XYLT2: variants seen among roughly 807,000 people sequenced by gnomAD.
The protein encoded by XYLT2 is xylosyltransferase 2.
A neutral mutation model predicts 82.6 loss-of-function variants in XYLT2; 37 were observed. The observed-to-expected ratio is 0.45, with a 90% CI of 0.34 to 0.59. XYLT2 has a LOEUF of 0.59. Among genes scored for constraint, XYLT2 ranks in the 20% least tolerant of loss-of-function variants. XYLT2 has a pLI of 0.01. For missense variants in XYLT2, 934 were observed against 1,181.3 expected (o/e 0.79, Z 3.07); for synonymous variants, 474 against 499.0 (o/e 0.95, Z 0.67).
intron 8 of XYLT2, 46 bp from the exon 9 acceptor site, chr17:50,357,001 CCAGGCCAAGT>C: frequency 6.5e-7 from 1 of 1,537,638 alleles, no homozygotes; most frequent in Non-Finnish European, 8.8e-7. Context: ...CCCTGGGACT[CCAGGCCAAGT>C]CAGGTGTGCT....
At chr17:50,357,012 C>A in intron 8 of XYLT2, 45 bp from the exon 9 acceptor site, 1 of 1,549,174 alleles carries the variant, frequency 6.5e-7, no homozygotes, top group Non-Finnish European at 8.7e-7. Flanking sequence ...CAGGCCAAGT[C>A]AGGTGTGCTG....
chr17:50,360,664 C>T lies in XYLT2; in HGVS notation c.*373C>T. The T allele has an allele frequency of 9.9e-7, 1 of 1,007,084 alleles. No homozygotes were observed. The highest frequency in any genetic ancestry group is 1.2e-6 in the Non-Finnish European group (1 of 844,658). The allele number at this position is 1,007,084 out of a possible 1,614,324, so 62.4% of individuals were successfully genotyped here. ...TGTGCAATAGGGCTCAGAGCAGCCC[C>T]AGGAAGTGGGCCATGTCTGTGGGGA... On this transcript the variant is annotated 3_prime_UTR_variant, in exon 11 of 11. Transcript: ENST00000017003.
At position 50,346,215 on chromosome 17, in the gene XYLT2, G is replaced by A. The variant is rs1277201278; in HGVS notation, c.75G>A (p.Leu25=). The change falls in exon 1 of 11, where the codon CTG becomes CTA. Residue 25 remains leucine (L), a synonymous_variant. Coordinates refer to ENST00000017003, the MANE Select transcript of XYLT2 (RefSeq NM_022167.4). This position sits in a 1 kb window ranked among gnomAD's most constrained non-coding sequence, Gnocchi z 5.1. The part of the protein sequence containing the change: ...KLAIATALAI[L]LLQGLVVWSF... ...CGATTGCCACGGCGCTGGCCATCCT[G>A]CTGCTGCAGGGCCTGGTAGTGTGGA... is the stretch of plus-strand genomic sequence containing the variant. 1 of 1,285,318 alleles carries A rather than the reference G, an allele frequency of 7.8e-7. No individual in the cohort carries two copies. The highest frequency in any genetic ancestry group is 1.5e-5 in the South Asian group (1 of 68,272). The allele number at this position is 1,285,318 out of a possible 1,614,324, so 79.6% of individuals were successfully genotyped here.
At position 50,356,612 on chromosome 17, in the gene XYLT2, C is replaced by G. The variant is rs141474571; in HGVS notation, c.1584C>G (p.Pro528=). The G allele has an allele frequency of 3.1e-6, 5 of 1,614,150 alleles. No homozygotes were observed. In the East Asian group the frequency reaches 1.1e-4, roughly 36 times the overall value. Residue 528 remains proline, a synonymous_variant, in exon 8 of 11, where the codon CCC becomes CCG. Coordinates refer to ENST00000017003, the MANE Select transcript of XYLT2 (RefSeq NM_022167.4). ...TCCACCTGTATGGCAGCTACCCCCC[C>G]GGCACGCCAGCCCTCAAGGCCTACT... is the stretch of plus-strand genomic sequence containing the variant. ...LDFHLYGSYP[P]GTPALKAYWE...
intron 4 of XYLT2, 121 bp downstream of exon 4, chr17:50,355,177 T>A: frequency 8.9e-7 from 1 of 1,129,746 alleles, no homozygotes. Context: ...TCCGCCCTGC[T>A]CAGACATGGG....
rs1222757899 is a variant in XYLT2, at chr17:50,360,164, G to A, written c.2471G>A (p.Gly824Glu). The A allele has an allele frequency of 1.9e-6, 3 of 1,614,036 alleles. No homozygotes were observed. The South Asian group carries it at 3.3e-5, about 18-fold the overall frequency. Residue 824 changes from glycine to glutamate, a missense_variant, in exon 11 of 11, where the codon GGA (glycine) becomes GAA (glutamate). By Grantham distance (98) the Gly-to-Glu change is moderately conservative (BLOSUM62 -2). This residue lies in a region of XYLT2 where 374 missense variants were observed against 465.6 expected (regional missense o/e 0.80). Transcript: ENST00000017003. ...CTGAGCAGCTTCTGGTCCGTGGCTGGACTGTGTGCCATAGGCCCCTCTCCC... is the reference window on the plus strand; with the variant it reads ...CTGAGCAGCTTCTGGTCCGTGGCTGAACTGTGTGCCATAGGCCCCTCTCCC... The part of the protein sequence containing the change: ...RELSSFWSVA[G>E]LCAIGPSPCP...
In XYLT2 at chr17:50,355,644, G is replaced by A. The variant is rs909660307; in HGVS notation, c.1088+63G>A. The A allele has an allele frequency of 1.2e-5, 19 of 1,603,192 alleles. No homozygotes were observed. In the African/African-American group the frequency reaches 2.5e-4, roughly 21 times the overall value. On this transcript the variant is annotated intron_variant, in intron 5 of 10. Coordinates refer to ENST00000017003, the MANE Select transcript of XYLT2 (RefSeq NM_022167.4). ...TTGTCCCAACCCCTCCCACACAGTT[G>A]GGCTCGGTGGCTCCAGCCCTGGGTT...
At chr17:50,356,988 C>T in intron 8 of XYLT2, 69 bp from the exon 9 acceptor site, 7 of 1,521,826 alleles carry the variant, frequency 4.6e-6, no homozygotes, top group Non-Finnish European at 6.2e-6. Context: ...CCCAGAGCCC[C>T]CTCCCTGGGA....
At chr17:50,348,576 G>T (rs1054844475) in intron 1 of XYLT2, among the ~76,000 whole-genome samples, 1 of 152,176 alleles carries the variant, frequency 6.6e-6, no homozygotes, top group African/African-American at 2.4e-5. Context: ...TGGATCCCAG[G>T]GATGGTCACG....
chr17:50,357,402 C>A lies in XYLT2; in HGVS notation c.1941+150C>A, dbSNP rs532971938. 1.5e-5 allele frequency: 11 copies of A among 749,642 alleles called. No individual in the cohort carries two copies. In the African/African-American group the frequency reaches 2.0e-4, roughly 13 times the overall value. 46.4% of individuals were successfully genotyped at this position (749,642 alleles called of 1,614,324 possible). A position where few individuals can be genotyped will look rare whatever the true frequency, so the allele number is the denominator to read the frequency against. ...CCCCCATGCAGACATCCTGTGTCAC[C>A]CCCCAGCCTGTGCACACTGAGGAGC... is the stretch of plus-strand genomic sequence containing the variant. On this transcript the variant is annotated intron_variant, in intron 9 of 10. Transcript: ENST00000017003.
At chr17:50,347,670 A>T (rs1912097910) in intron 1 of XYLT2, among the ~76,000 whole-genome samples, 2 of 151,972 alleles carry the variant, frequency 1.3e-5, no homozygotes, top group African/African-American at 2.4e-5. Flanking sequence ...ATCCCCCACC[A>T]CCTCCTCCTC....
In XYLT2 at chr17:50,356,026, G is replaced by C. The variant is rs9893605; in HGVS notation, c.1305+29G>C. 8.0e-3 allele frequency: 12,837 copies of C among 1,614,164 alleles called. 943 individuals carry two copies. The African/African-American group carries it at 0.15, about 19-fold the overall frequency. ...GGTAGCCCAGCAGGCATGAAGGCCA[G>C]GGAGGGCGTGGGTTGGGCTGCCTGC... On this transcript the variant is annotated intron_variant, in intron 6 of 10. Transcript: ENST00000017003.
Position 50,346,975 on chromosome 17 carries a change from C to T in XYLT2, c.135+700C>T. 2 of 978,442 alleles carry T rather than the reference C, an allele frequency of 2.0e-6. No homozygotes were observed. The highest frequency in any genetic ancestry group is 2.4e-6 in the Non-Finnish European group (2 of 823,670). The allele number at this position is 978,442 out of a possible 1,614,324, so 60.6% of individuals were successfully genotyped here. ...GACCTTAGGGAATTAGGGAGGGGCC[C>T]TCTGGCTTTAAGGGAATGGGGACTG... On this transcript the variant is annotated intron_variant, in intron 1 of 10. Transcript: ENST00000017003. The surrounding 1 kb of genome is among the most constrained non-coding windows in gnomAD (Gnocchi z 5.1).
At chr17:50,355,155 G>A (rs530143415) in intron 4 of XYLT2, 99 bp downstream of exon 4, 448 of 1,306,358 alleles carry the variant, frequency 3.4e-4, no homozygotes, top group Non-Finnish European at 4.3e-4. Flanking sequence ...CCCCATAAGC[G>A]TAACTCTGGG....
intron 1 of XYLT2, among the ~76,000 whole-genome samples, chr17:50,352,051 G>T (rs1057026190): frequency 2.0e-5 from 3 of 152,304 alleles, no homozygotes; most frequent in Middle Eastern, 3.4e-3. Flanking sequence ...TGCGGAGGGT[G>T]CTTCAAGCAA....
chr17:50,356,671 G>A lies in XYLT2; in HGVS notation c.1643G>A (p.Ser548Asn), dbSNP rs374079761. Residue 548 changes from serine (S) to asparagine (N), a missense_variant, in exon 8 of 11, where the codon AGT (serine) becomes AAT (asparagine). This residue lies in a region of XYLT2 where 374 missense variants were observed against 465.6 expected (regional missense o/e 0.80). Coordinates refer to ENST00000017003, the MANE Select transcript of XYLT2 (RefSeq NM_022167.4). ...ACCTACGACGCGGCTGATGGCCCCA[G>A]TGGGCTCAGTGATGTCATGCTCACT... ...ENTYDAADGP[S>N]GLSDVMLTAY... 1 of 1,613,624 alleles carries A rather than the reference G, an allele frequency of 6.2e-7. No individual in the cohort carries two copies. Among genetic ancestry groups the A allele is most frequent in the Non-Finnish European group, 8.5e-7 (1 of 1,180,020 alleles).
At position 50,353,933 on chromosome 17, in the gene XYLT2, G is replaced by A. The variant is rs779253497; in HGVS notation, c.439G>A (p.Val147Met). Residue 147 changes from valine to methionine, a missense_variant, in exon 2 of 11, where the codon GTG becomes ATG. This residue lies in a region of XYLT2 where 371 missense variants were observed against 394.9 expected (regional missense o/e 0.94). Coordinates refer to ENST00000017003, the MANE Select transcript of XYLT2 (RefSeq NM_022167.4). The part of the protein sequence containing the change: ...GFPPHGDTGS[V>M]EGAPQPTDNG... ...CCCACCACACGGAGATACAGGGAGC[G>A]TGGAGGGCGCCCCCCAGCCCACGGA... is the stretch of plus-strand genomic sequence containing the variant. 6.0e-5 allele frequency: 97 copies of A among 1,607,554 alleles called. No homozygotes were observed. The highest frequency in any genetic ancestry group is 1.4e-4 in the South Asian group (13 of 91,084).
chr17:50,348,379 G>C (rs1468973666), intron 1 of XYLT2, among the ~76,000 whole-genome samples: 2 of 152,188 alleles, frequency 1.3e-5, no homozygotes, highest in Non-Finnish European at 2.9e-5. Flanking sequence ...GCACCCTTGA[G>C]GAATGGACAG....
chr17:50,354,282 T>C, intron 2 of XYLT2, 126 bp from the exon 3 acceptor site: 1 of 1,490,974 alleles, frequency 6.7e-7, no homozygotes, highest in Non-Finnish European at 8.9e-7. Flanking sequence ...AGAGGCAGAG[T>C]GGGGACCCAC....
Sources: gnomAD v4.1 joint callset for allele counts (sites outside exome capture counted in the v4.1 genomes callset) on GRCh38, gnomAD v4.1.1 for gene constraint, gnomAD v4.1.1 regional missense constraint, Gnocchi (gnomAD v3.1) non-coding constraint, MANE v1.5 for transcripts, NCBI Gene and HGNC (gene_info 2026-07-23, HGNC 2026-07-21) for gene names.